The following IQSEC1 variants were observed in gnomAD, a reference collection of about 807,000 sequenced individuals.
The protein encoded by IQSEC1 is IQ motif and Sec7 domain ArfGEF 1.
IQSEC1 carries 31 observed loss-of-function variants against 91.0 expected under a neutral mutation model. That is an observed-to-expected ratio of 0.34 (90% CI 0.26 to 0.46). The LOEUF (loss-of-function observed/expected upper bound fraction) is 0.46. Among genes scored for constraint, IQSEC1 ranks in the 20% least tolerant of loss-of-function variants. IQSEC1 has a pLI of 1.00. For missense variants in IQSEC1, 1,388 were observed against 1,575.6 expected (o/e 0.88, Z 2.02); for synonymous variants, 699 against 662.6 (o/e 1.05, Z -0.84).
Position 13,103,334 on chromosome 3 carries a change from G to A in IQSEC1, c.303-55812C>T, listed in dbSNP as rs555602211. Among the ~76,000 whole-genome samples the A allele has an allele frequency of 9.9e-4, 150 of 151,764 alleles. No homozygotes were observed. Among genetic ancestry groups the A allele is most frequent in the African/African-American group, 3.5e-3 (146 of 41,364 alleles). On this transcript the variant is annotated intron_variant, in intron 2 of 15. Coordinates refer to the IQSEC1 transcript ENST00000648114. The surrounding 1 kb of genome is among the most constrained non-coding windows in gnomAD (Gnocchi z 4.1). ...CTCCCAGCCACCTTTTTAATTAACC[G>A]CCCCCGCCAACACACCCGAGGCACC...
chr3:13,035,173 G>A (rs1323516423), intron 1 of IQSEC1, among the ~76,000 whole-genome samples: 1 of 152,212 alleles, frequency 6.6e-6, no homozygotes, highest in South Asian at 2.1e-4. Flanking sequence ...TGCCCTTGGG[G>A]GTACAGAGTA....
chr3:13,105,916 A>G (rs1488536300), intron 2 of IQSEC1, among the ~76,000 whole-genome samples: 2 of 152,176 alleles, frequency 1.3e-5, no homozygotes, highest in Non-Finnish European at 1.5e-5. Flanking sequence ...TCATGTTATC[A>G]CCTACTAGCA....
At chr3:12,982,960 G>A (rs1340302455) in intron 1 of IQSEC1, among the ~76,000 whole-genome samples, 1 of 152,262 alleles carries the variant, frequency 6.6e-6, no homozygotes, top group African/African-American at 2.4e-5. Flanking sequence ...CCTGTCCTGA[G>A]GCTGCAGAGG....
At chr3:13,225,854 G>C (rs966632930) in intron 1 of IQSEC1, among the ~76,000 whole-genome samples, 5 of 151,666 alleles carry the variant, frequency 3.3e-5, no homozygotes, top group African/African-American at 1.2e-4. Flanking sequence ...AGCTAGAAAG[G>C]CTATTTGATT....
chr3:13,165,513 G>C (rs1463012614), intron 1 of IQSEC1, among the ~76,000 whole-genome samples: 2 of 114,118 alleles, frequency 1.8e-5, no homozygotes, highest in African/African-American at 3.3e-5. Context: ...AAAGCAAGCG[G>C]GGGGGTGGGG....
At chr3:13,026,452 T>C (rs954833878) in intron 1 of IQSEC1, among the ~76,000 whole-genome samples, 1 of 152,352 alleles carries the variant, frequency 6.6e-6, no homozygotes, top group South Asian at 2.1e-4. Context: ...CAATTTTCCA[T>C]TGGCTTGTTC....
chr3:12,953,431 G>A (rs951912523), intron 1 of IQSEC1, among the ~76,000 whole-genome samples: 19 of 152,220 alleles, frequency 1.2e-4, no homozygotes, highest in African/African-American at 4.1e-4. Context: ...GCCCAGGTCC[G>A]CCTCAGGCTG....
intron 1 of IQSEC1, among the ~76,000 whole-genome samples, chr3:13,012,555 C>T (rs1238626994): frequency 6.6e-6 from 1 of 152,212 alleles, no homozygotes; most frequent in Admixed American, 6.5e-5. Flanking sequence ...CAGCCTGGGC[C>T]CTACAGCTGG....
chr3:13,066,383 A>T (rs1705229102), intron 1 of IQSEC1, among the ~76,000 whole-genome samples: 1 of 152,246 alleles, frequency 6.6e-6, no homozygotes, highest in Non-Finnish European at 1.5e-5. Context: ...GTGACAACAG[A>T]GGGGCCGGCA....
intron 2 of IQSEC1, among the ~76,000 whole-genome samples, chr3:13,105,943 T>G (rs1188680316): frequency 6.6e-6 from 1 of 152,194 alleles, no homozygotes; most frequent in African/African-American, 2.4e-5. Flanking sequence ...AATAGAAGAT[T>G]TCAGGCGAAA....
rs1240331424 is a variant in IQSEC1, at chr3:13,211,697, C to T, written c.273-47564G>A. On this transcript the variant is annotated intron_variant, in intron 1 of 15. Coordinates refer to the IQSEC1 transcript ENST00000648114. The surrounding 1 kb of genome is among the most constrained non-coding windows in gnomAD (Gnocchi z 5.3). The stretch of plus-strand genomic sequence containing the variant: ...TGGCACCACCCCAGCCCTGCTCAGC[C>T]ACCACGTTTCCCAAATCTAGGTGCC... 6.6e-6 allele frequency among the ~76,000 whole-genome samples: 1 copy of T among 152,188 alleles called. No homozygotes were observed. Among genetic ancestry groups the T allele is most frequent in the Non-Finnish European group, 1.5e-5 (1 of 68,024 alleles).
intron 1 of IQSEC1, among the ~76,000 whole-genome samples, chr3:12,950,484 T>C (rs1311860502): frequency 6.6e-6 from 1 of 152,126 alleles, no homozygotes; most frequent in East Asian, 1.9e-4. Flanking sequence ...TTGAGAAACG[T>C]AGCAAGACCC....
At position 13,227,825 on chromosome 3, in the gene IQSEC1, G is replaced by T. The variant is rs1383475125; in HGVS notation, c.272+54886C>A. ...GCATCTCACAGGAAGACGTCCACAC[G>T]TGAGGAACAGAGACCACTGCCTTGG... On this transcript the variant is annotated intron_variant, in intron 1 of 15. Coordinates refer to the IQSEC1 transcript ENST00000648114. Among the ~76,000 whole-genome samples the T allele has an allele frequency of 3.9e-5, 6 of 152,326 alleles. No homozygotes were observed. In the East Asian group the frequency reaches 7.7e-4, roughly 20 times the overall value.
At chr3:13,189,649 G>C (rs1693987930) in intron 1 of IQSEC1, among the ~76,000 whole-genome samples, 1 of 152,172 alleles carries the variant, frequency 6.6e-6, no homozygotes, top group Non-Finnish European at 1.5e-5. Flanking sequence ...GGCATGTGCA[G>C]CTGGCCCAGT....
At position 12,936,585 on chromosome 3, in the gene IQSEC1, C is replaced by T. The variant is rs1285176495; in HGVS notation, c.431G>A (p.Arg144His). Residue 144 changes from arginine (R) to histidine (H), a missense_variant, in exon 3 of 14, where the codon CGC becomes CAC. By Grantham distance (29) the Arg-to-His change is conservative. Coordinates refer to ENST00000613206, the MANE Select transcript of IQSEC1 (RefSeq NM_001134382.3). The part of the protein sequence containing the change: ...YQMNKNFERL[R>H]SSMSENRMSR... ...CATGCGGTTCTCTGACATGGAGCTG[C>T]GCAAGCGCTCGAAGTTCTTGTTCAT... 1 of 1,613,236 alleles carries T rather than the reference C, an allele frequency of 6.2e-7. No individual in the cohort carries two copies. The highest frequency in any genetic ancestry group is 2.2e-5 in the East Asian group (1 of 44,882).
intron 1 of IQSEC1, among the ~76,000 whole-genome samples, chr3:13,181,073 C>A (rs1693834348): frequency 6.6e-6 from 1 of 152,104 alleles, no homozygotes; most frequent in Non-Finnish European, 1.5e-5. Context: ...AGATTCAGAC[C>A]ATCGTGGCTA....
rs1041903429 is a variant in IQSEC1 at position 13,282,421 on chromosome 3, T to C, written c.272+290A>G. Among the ~76,000 whole-genome samples, 8 of 151,750 alleles carry C rather than the reference T, an allele frequency of 5.3e-5. No individual in the cohort carries two copies. The East Asian group carries it at 1.6e-3, about 30-fold the overall frequency. ...TCCGAGCCCCGGGGGTCGCCAACCCTGAGTCCGCGCCGCAGCGCAGAGCCA... is the reference window on the plus strand; with the variant it reads ...TCCGAGCCCCGGGGGTCGCCAACCCCGAGTCCGCGCCGCAGCGCAGAGCCA... On this transcript the variant is annotated intron_variant, in intron 1 of 15. Transcript: ENST00000648114. This position sits in a 1 kb window ranked among gnomAD's most constrained non-coding sequence, Gnocchi z 6.4.
chr3:13,276,748 G>A (rs1003658722), intron 1 of IQSEC1, among the ~76,000 whole-genome samples: 4 of 152,184 alleles, frequency 2.6e-5, no homozygotes, highest in African/African-American at 9.7e-5. Flanking sequence ...AGCACCCAAC[G>A]TTTGCCATAA....
At chr3:13,002,006 G>A (rs1702442972) in intron 1 of IQSEC1, among the ~76,000 whole-genome samples, 1 of 152,136 alleles carries the variant, frequency 6.6e-6, no homozygotes, top group South Asian at 2.1e-4. Flanking sequence ...GGGGGTGGCA[G>A]AGGTTGCAGT....
Sources: gnomAD v4.1 joint callset for allele counts (sites outside exome capture counted in the v4.1 genomes callset) on GRCh38, gnomAD v4.1.1 for gene constraint, Gnocchi (gnomAD v3.1) non-coding constraint, MANE v1.5 for transcripts, NCBI Gene and HGNC (gene_info 2026-07-23, HGNC 2026-07-21) for gene names.